Variants in ZNF473 observed in about 807,000 individuals in gnomAD.
The protein encoded by ZNF473 is zinc finger protein 100 homolog.
In ZNF473, 4 loss-of-function variants were observed where a neutral mutation model predicts 11.1. That is an observed-to-expected ratio of 0.36 (90% confidence interval 0.18 to 0.82). The LOEUF is 0.82. Ranked by LOEUF, ZNF473 falls within the 40% of genes least tolerant of loss-of-function variation. ZNF473 has a pLI of 0.49. For missense variants in ZNF473, 854 were observed against 1,084.0 expected, an observed-to-expected ratio of 0.79 and a Z score of 2.98; for synonymous variants, 404 against 390.4, an observed-to-expected ratio of 1.03 and a Z score of -0.41.
At chr19:50,036,434 C>G (rs1453324463) in intron 2 of ZNF473, among the ~76,000 whole-genome samples, 1 of 151,378 alleles carries the variant, frequency 6.6e-6, no homozygotes, top group African/African-American at 2.4e-5. Flanking sequence ...CTGCCTCAGC[C>G]TCCCGAGTAG....
intron 2 of ZNF473, among the ~76,000 whole-genome samples, chr19:50,034,522 A>G (rs1463008164): frequency 6.6e-6 from 1 of 152,078 alleles, no homozygotes; most frequent in Non-Finnish European, 1.5e-5. Flanking sequence ...CATCCACCCC[A>G]GAAGTCCTTC....
chr19:50,044,688 A>G lies in ZNF473; in HGVS notation c.245A>G (p.Asn82Ser), dbSNP rs73932407. ...CTTTCAGATGTGACTGAGACCAAGA[A>G]CTCTCCTCTGATGGAGGATTTCTTC... The part of the protein sequence containing the change: ...ATSPDVTETK[N>S]SPLMEDFFEE... Residue 82 changes from asparagine to serine, a missense_variant, in exon 5 of 5, where the codon AAC (asparagine) becomes AGC (serine). Around this residue, in one of 2 missense-constraint regions of ZNF473, gnomAD observed 668 missense variants for 790.2 expected, o/e 0.85. Coordinates refer to ENST00000270617, the MANE Select transcript of ZNF473 (RefSeq NM_015428.4). 9.9e-3 allele frequency: 15,873 copies of G among 1,611,246 alleles called. 1,365 individuals are homozygous for G. In the African/African-American group the frequency reaches 0.19, roughly 19 times the overall value.
chr19:50,041,025 C>T (rs1227264240), intron 3 of ZNF473: 1 of 152,232 alleles, frequency 6.6e-6, no homozygotes, highest in Non-Finnish European at 1.5e-5. Flanking sequence ...CAGTGGCTTC[C>T]ACCAGCACAC....
At chr19:50,037,704 C>T (rs892758528) in intron 2 of ZNF473, among the ~76,000 whole-genome samples, 1 of 151,752 alleles carries the variant, frequency 6.6e-6, no homozygotes, top group Non-Finnish European at 1.5e-5. Context: ...AGCCTGTAGT[C>T]CTAGCTACTT....
At chr19:50,042,049 T>G (rs1440984385) in intron 4 of ZNF473, 1 of 358,124 alleles carries the variant, frequency 2.8e-6, no homozygotes, top group African/African-American at 2.1e-5. Flanking sequence ...AGCACAGGGT[T>G]ATCCTGGTGC....
chr19:50,045,955 A>G lies in ZNF473; in HGVS notation c.1512A>G (p.Gln504=). The part of the protein sequence containing the change: ...ETFSDNNRLV[Q]HQKMHTVKTP... Reference sequence around the variant, plus strand: ...TCAGCGATAACAATCGCCTTGTGCAACACCAGAAAATGCACACTGTCAAAA... The same window carrying G: ...TCAGCGATAACAATCGCCTTGTGCAGCACCAGAAAATGCACACTGTCAAAA... The change falls in exon 5 of 5, where the codon CAA becomes CAG. Residue 504 remains glutamine, a synonymous_variant. Coordinates refer to ENST00000270617, the MANE Select transcript of ZNF473 (RefSeq NM_015428.4). The G allele has an allele frequency of 2.5e-6, 4 of 1,614,216 alleles. No individual in the cohort carries two copies. The highest frequency in any genetic ancestry group is 3.4e-6 in the Non-Finnish European group (4 of 1,180,040).
intron 2 of ZNF473, among the ~76,000 whole-genome samples, chr19:50,033,448 C>T (rs575790320): frequency 1.3e-5 from 2 of 152,124 alleles, no homozygotes; most frequent in African/African-American, 4.8e-5. Context: ...ATGGTGAATC[C>T]GGAGGCCGTT....
chr19:50,045,544 A>G lies in ZNF473; in HGVS notation c.1101A>G (p.Lys367=). 8.1e-6 allele frequency: 13 copies of G among 1,614,186 alleles called. No homozygotes were observed. Among genetic ancestry groups the G allele is most frequent in the Non-Finnish European group, 1.1e-5 (13 of 1,180,034 alleles). Residue 367 remains lysine (K), a synonymous_variant, in exon 5 of 5, where the codon AAA becomes AAG. Coordinates refer to ENST00000270617, the MANE Select transcript of ZNF473 (RefSeq NM_015428.4). The stretch of plus-strand genomic sequence containing the variant: ...GAAAACACCTCATCCAACATCAGAA[A>G]ACTCACGCTGCAAAAACTACCTCTG... ...NLRKHLIQHQ[K]THAAKTTSEC...
chr19:50,030,930 A>G lies in ZNF473; in HGVS notation c.-153A>G. ...GGGACTTGTCCTCCTCCTCCTGGAC[A>G]TTTTGGGGGCTCGTCAGCATGGACA... On this transcript the variant is annotated 5_prime_UTR_variant, in exon 2 of 5. Transcript: ENST00000270617. 1 of 1,100,680 alleles carries G rather than the reference A, an allele frequency of 9.1e-7. No individual in the cohort carries two copies. Among genetic ancestry groups the G allele is most frequent in the African/African-American group, 1.6e-5 (1 of 64,486 alleles). The allele number at this position is 1,100,680 out of a possible 1,614,324, so 68.2% of individuals were successfully genotyped here. A position where few individuals can be genotyped will look rare whatever the true frequency, so the allele number is the denominator to read the frequency against.
At chr19:50,029,294 C>T (rs1198913650) in intron 1 of ZNF473, among the ~76,000 whole-genome samples, 4 of 152,216 alleles carry the variant, frequency 2.6e-5, no homozygotes, top group African/African-American at 9.6e-5. Flanking sequence ...AGGCGCCCAC[C>T]ACCATGCCTG....
chr19:50,041,150 T>C (rs1289675366), intron 3 of ZNF473: 1 of 152,284 alleles, frequency 6.6e-6, no homozygotes, highest in Non-Finnish European at 1.5e-5. Context: ...ACGTAGATAG[T>C]CCTTCCTGGC....
chr19:50,033,679 C>T (rs1208193903), intron 2 of ZNF473, among the ~76,000 whole-genome samples: 2 of 152,158 alleles, frequency 1.3e-5, no homozygotes, highest in Non-Finnish European at 2.9e-5. Flanking sequence ...TCACGGGGCT[C>T]AAACCAAGGT....
intron 2 of ZNF473, among the ~76,000 whole-genome samples, chr19:50,036,480 A>ATT (rs34005330): frequency 0.035 from 4,621 of 131,414 alleles, 283 homozygotes; most frequent in African/African-American, 0.13. Context: ...TGCCCAGCTA[A>ATT]TTTTTTTTTT....
Position 50,046,991 on chromosome 19 carries a change from G to A in ZNF473, c.2548G>A (p.Ala850Thr). ...TLYQCQRCQKAFRCHSSLSRH... is the reference protein window; with the variant it reads ...TLYQCQRCQKTFRCHSSLSRH... Reference sequence around the variant, plus strand: ...TTATCAGTGTCAACGTTGCCAGAAAGCCTTTCGGTGCCACTCGAGCCTCAG... The same window carrying A: ...TTATCAGTGTCAACGTTGCCAGAAAACCTTTCGGTGCCACTCGAGCCTCAG... The change falls in exon 5 of 5, where the codon GCC becomes ACC. Residue 850 changes from alanine to threonine, a missense_variant. This residue lies in a region of ZNF473 where 186 missense variants were observed against 293.8 expected (regional missense o/e 0.63). Coordinates refer to ENST00000270617, the MANE Select transcript of ZNF473 (RefSeq NM_015428.4). The surrounding 1 kb of genome is among the most constrained non-coding windows in gnomAD (Gnocchi z 5.9). 2 of 1,613,994 alleles carry A rather than the reference G, an allele frequency of 1.2e-6. No individual in the cohort carries two copies. Among genetic ancestry groups the A allele is most frequent in the Non-Finnish European group, 1.7e-6 (2 of 1,180,020 alleles).
chr19:50,044,521 C>CT (rs1293211704), intron 4 of ZNF473, 149 bp from the exon 5 acceptor site: 1 of 632,384 alleles, frequency 1.6e-6, no homozygotes, highest in African/African-American at 1.8e-5. Context: ...GGAATGGGCT[C>CT]TGTCTGTTTT....
Position 50,046,312 on chromosome 19 carries a change from G to C in ZNF473, c.1869G>C (p.Glu623Asp). ...GAGTGAGGCTGTATAAATGGGGTGA[G>C]CAAGGGAAAGCCATCAGCAGTGCCT... ...HSRVRLYKWG[E>D]QGKAISSASL... The change falls in exon 5 of 5, where the codon GAG (glutamate) becomes GAC (aspartate). Residue 623 changes from glutamate (E) to aspartate (D), a missense_variant. By Grantham distance (45) the Glu-to-Asp change is conservative (BLOSUM62 2). Coordinates refer to ENST00000270617, the MANE Select transcript of ZNF473 (RefSeq NM_015428.4). This position sits in a 1 kb window ranked among gnomAD's most constrained non-coding sequence, Gnocchi z 5.9. 1 of 1,614,136 alleles carries C rather than the reference G, an allele frequency of 6.2e-7. No homozygotes were observed. Among genetic ancestry groups the C allele is most frequent in the East Asian group, 2.2e-5 (1 of 44,882 alleles).
In ZNF473 at chr19:50,045,663, A is replaced by T. The variant is rs751857567; in HGVS notation, c.1220A>T (p.Glu407Val). 1.2e-6 allele frequency: 2 copies of T among 1,614,130 alleles called. No individual in the cohort carries two copies. The highest frequency in any genetic ancestry group is 2.2e-5 in the South Asian group (2 of 91,082). The change falls in exon 5 of 5, where the codon GAA becomes GTA. Residue 407 changes from glutamate (E) to valine (V), a missense_variant. This residue lies in a region of ZNF473 where 668 missense variants were observed against 790.2 expected (regional missense o/e 0.85). Coordinates refer to ENST00000270617, the MANE Select transcript of ZNF473 (RefSeq NM_015428.4). The stretch of plus-strand genomic sequence containing the variant: ...GGAGAGGAGCCTTATAAGTGTAACG[A>T]ACGTGGGAAATCCTTCAGGCATAAC... Reference protein sequence around the residue: ...HAGEEPYKCNERGKSFRHNST... With the variant: ...HAGEEPYKCNVRGKSFRHNST...
intron 2 of ZNF473, 128 bp downstream of exon 2, chr19:50,031,219 C>A: frequency 7.6e-7 from 1 of 1,324,084 alleles, no homozygotes; most frequent in Non-Finnish European, 1.1e-6. Flanking sequence ...GGAAAGCTGG[C>A]CTTCCTTTGT....
rs780012778 is a variant in ZNF473, at chr19:50,046,813, A to C, written c.2370A>C (p.Glu790Asp). ...HTGEKPYRCG[E>D]CGKAFAQKAN... ...GGGAGAAGCCCTACAGATGTGGTGA[A>C]TGTGGGAAAGCCTTTGCCCAGAAAG... is the stretch of plus-strand genomic sequence containing the variant. The change falls in exon 5 of 5, where the codon GAA (glutamate) becomes GAC (aspartate). Residue 790 changes from glutamate (E) to aspartate (D), a missense_variant. Physicochemically the swap from Glu to Asp is conservative, Grantham distance 45. This residue lies in a region of ZNF473 where 186 missense variants were observed against 293.8 expected (regional missense o/e 0.63). Coordinates refer to ENST00000270617, the MANE Select transcript of ZNF473 (RefSeq NM_015428.4). The surrounding 1 kb of genome is among the most constrained non-coding windows in gnomAD (Gnocchi z 5.9). 1 of 1,614,102 alleles carries C rather than the reference A, an allele frequency of 6.2e-7. No homozygotes were observed. Among genetic ancestry groups the C allele is most frequent in the South Asian group, 1.1e-5 (1 of 91,082 alleles).
Sources: gnomAD v4.1 joint callset for allele counts (sites outside exome capture counted in the v4.1 genomes callset) on GRCh38, gnomAD v4.1.1 for gene constraint, gnomAD v4.1.1 regional missense constraint, Gnocchi (gnomAD v3.1) non-coding constraint, MANE v1.5 for transcripts, NCBI Gene and HGNC (gene_info 2026-07-23, HGNC 2026-07-21) for gene names.